The following CEP63 variants were observed in gnomAD, a reference collection of about 807,000 sequenced individuals.
CEP63 encodes centrosomal protein of 63 kDa.
CEP63 carries 84 observed loss-of-function variants against 89.1 expected under a neutral mutation model. The observed-to-expected ratio is 0.94, with a 90% CI of 0.79 to 1.13. CEP63 has a LOEUF of 1.13. Ranked by LOEUF, CEP63 falls within the 50% of genes most tolerant of loss-of-function variation. CEP63 has a pLI of 0.00. For missense variants in CEP63, 838 were observed against 813.3 expected, an observed-to-expected ratio of 1.03 and a Z score of -0.37; for synonymous variants, 267 against 272.5, an observed-to-expected ratio of 0.98 and a Z score of 0.20.
chr3:134,631,156 G>T, the CEP63 span, among the ~76,000 whole-genome samples: 1 of 152,144 alleles, frequency 6.6e-6, no homozygotes, highest in African/African-American at 2.4e-5. Flanking sequence ...ATAATATGAT[G>T]CAGAAAAAAT....
chr3:134,628,967 C>T, the CEP63 span, among the ~76,000 whole-genome samples: 1 of 152,204 alleles, frequency 6.6e-6, no homozygotes, highest in Non-Finnish European at 1.5e-5. Flanking sequence ...ACTTGAGCCT[C>T]AGTTGTTCTG....
the CEP63 span, among the ~76,000 whole-genome samples, chr3:134,702,635 A>T: frequency 1.1e-4 from 16 of 152,348 alleles, no homozygotes; most frequent in Non-Finnish European, 2.2e-4. Flanking sequence ...TTTACAAGAA[A>T]AAAACATTAA....
the CEP63 span, among the ~76,000 whole-genome samples, chr3:134,604,901 C>G: frequency 6.6e-6 from 1 of 152,184 alleles, no homozygotes; most frequent in Non-Finnish European, 1.5e-5. Context: ...TAGCATCTGT[C>G]TAAGTGTCAA....
intron 3 of CEP63, among the ~76,000 whole-genome samples, chr3:134,521,740 T>G (rs909846148): frequency 6.6e-6 from 1 of 152,232 alleles, no homozygotes; most frequent in Non-Finnish European, 1.5e-5. Context: ...TAATGATCAG[T>G]GACTTAGTAT....
At chr3:134,534,688 C>T (rs202224645) in intron 5 of CEP63, among the ~76,000 whole-genome samples, 2 of 152,144 alleles carry the variant, frequency 1.3e-5, no homozygotes, top group Non-Finnish European at 1.5e-5. Context: ...TATCGCTGAA[C>T]GTGGCTAGAG....
At chr3:134,650,615 G>A in the CEP63 span, among the ~76,000 whole-genome samples, 1 of 152,200 alleles carries the variant, frequency 6.6e-6, no homozygotes, top group Non-Finnish European at 1.5e-5. Context: ...GTGAAACTGG[G>A]GCAATCACGG....
At chr3:134,610,253 C>T in the CEP63 span, 1 of 1,613,846 alleles carries the variant, frequency 6.2e-7, no homozygotes, top group Non-Finnish European at 8.5e-7. Flanking sequence ...GTGCTGTCCA[C>T]CAGGTGCCAT....
At chr3:134,683,819 C>A in the CEP63 span, among the ~76,000 whole-genome samples, 1 of 152,058 alleles carries the variant, frequency 6.6e-6, no homozygotes. Flanking sequence ...AAGATCCTCC[C>A]CCTTCCCACC....
chr3:134,713,349 C>G, the CEP63 span, among the ~76,000 whole-genome samples: 2 of 152,064 alleles, frequency 1.3e-5, no homozygotes, highest in Non-Finnish European at 2.9e-5. Context: ...TCACCCAGTT[C>G]CAGCCAATGA....
chr3:134,776,707 G>T, the CEP63 span, among the ~76,000 whole-genome samples: 4 of 152,352 alleles, frequency 2.6e-5, no homozygotes, highest in East Asian at 1.9e-4. Context: ...ATGGGTAGGG[G>T]TGCTGGAGGC....
chr3:134,567,842 A>G (rs1199246225), downstream of CEP63, among the ~76,000 whole-genome samples: 1 of 152,220 alleles, frequency 6.6e-6, no homozygotes, highest in Admixed American at 6.5e-5. Context: ...TCTAAGGAGA[A>G]GCTGCAGGAA....
downstream of CEP63, among the ~76,000 whole-genome samples, chr3:134,578,553 T>C (rs1958272391): frequency 6.6e-6 from 1 of 152,046 alleles, no homozygotes; most frequent in African/African-American, 2.4e-5. Flanking sequence ...TGGTCTTGAA[T>C]TCCTGATCTC....
Position 134,507,094 on chromosome 3 carries a change from T to C in CEP63, c.45-15T>C. 1 of 1,610,504 alleles carries C rather than the reference T, an allele frequency of 6.2e-7. No homozygotes were observed. Among genetic ancestry groups the C allele is most frequent in the Non-Finnish European group, 8.5e-7 (1 of 1,176,908 alleles). On this transcript the variant is annotated splice_polypyrimidine_tract_variant and intron_variant, in intron 2 of 14. Transcript: ENST00000675561. ...CATATCTTCTGTTTTTTTAATGATC[T>C]GTTCTTCTTTATAGGGGATTTTTGA...
Position 134,562,150 on chromosome 3 carries a change from T to C in CEP63, c.*615T>C, listed in dbSNP as rs983400950. On this transcript the variant is annotated 3_prime_UTR_variant, in exon 15 of 15. Transcript: ENST00000675561. ...GAGAGAGGCAGGGAGGGCAAGGGAC[T>C]GGCTGTCATGCACGGTGCCCATGGA... 16 of 988,016 alleles carry C rather than the reference T, an allele frequency of 1.6e-5. No individual in the cohort carries two copies. In the African/African-American group the frequency reaches 2.6e-4, roughly 16 times the overall value. The allele number at this position is 988,016 out of a possible 1,614,324, so 61.2% of individuals were successfully genotyped here. A position where few individuals can be genotyped will look rare whatever the true frequency, so the allele number is the denominator to read the frequency against.
chr3:134,584,526 C>T (rs562124359), intron 10 of CEP63, among the ~76,000 whole-genome samples: 1 of 152,262 alleles, frequency 6.6e-6, no homozygotes, highest in South Asian at 2.1e-4. Context: ...AGGGATGAAG[C>T]CAACTTGATC....
chr3:134,568,651 T>C (rs1957885604), downstream of CEP63, among the ~76,000 whole-genome samples: 1 of 152,242 alleles, frequency 6.6e-6, no homozygotes, highest in Admixed American at 6.5e-5. Flanking sequence ...GCATGAGCTA[T>C]GGCTTGTAGA....
intron 2 of CEP63, among the ~76,000 whole-genome samples, chr3:134,500,408 G>A (rs908546075): frequency 3.3e-5 from 5 of 149,942 alleles, no homozygotes; most frequent in Admixed American, 6.6e-5. Flanking sequence ...ACATGTGAGC[G>A]CATGTGTCTT....
At chr3:134,779,155 C>A in the CEP63 span, among the ~76,000 whole-genome samples, 11 of 152,080 alleles carry the variant, frequency 7.2e-5, no homozygotes, top group African/African-American at 2.4e-4. Context: ...TGTAATTTTT[C>A]TATGGTAAAT....
chr3:134,555,969 G>A lies in CEP63; in HGVS notation c.1468-2173G>A, dbSNP rs370890634. Among the ~76,000 whole-genome samples the A allele has an allele frequency of 7.5e-3, 1,127 of 150,334 alleles. 10 individuals carry two copies. The highest frequency in any genetic ancestry group is 0.026 in the African/African-American group (1,051 of 40,904). On this transcript the variant is annotated intron_variant, in intron 12 of 14. Coordinates refer to ENST00000675561, the MANE Select transcript of CEP63 (RefSeq NM_001353108.3). The stretch of plus-strand genomic sequence containing the variant: ...GAACAGAGCCCTCAGAAATAATGCC[G>A]CATATCTACAACTATCTGATCTTTG...
Sources: allele counts gnomAD v4.1 joint callset (sites outside exome capture counted in the v4.1 genomes callset), GRCh38; gene constraint gnomAD v4.1.1; transcripts MANE v1.5; gene names NCBI Gene and HGNC (gene_info 2026-07-23, HGNC 2026-07-21).